The following MEP1A variants were observed in gnomAD, a reference collection of about 807,000 sequenced individuals.
MEP1A encodes meprin A subunit alpha, also known as N-benzoyl-L-tyrosyl-P-amino-benzoic acid hydrolase subunit alpha.
MEP1A carries 68 observed loss-of-function variants against 84.5 expected under a neutral mutation model. That is an observed-to-expected ratio of 0.80 (90% CI 0.66 to 0.98). The LOEUF is 0.98. Ranked by LOEUF, MEP1A falls within the 50% of genes least tolerant of loss-of-function variation. The probability of loss-of-function intolerance (pLI) is 0.00; values close to 1 mark genes in which losing one functional copy is unlikely to be tolerated. For missense variants in MEP1A, 887 were observed against 919.9 expected (o/e 0.96, Z 0.46); for synonymous variants, 337 against 336.8 (o/e 1.00, Z -0.01).
At chr6:46,830,390 G>A (rs1216883897) in intron 10 of MEP1A, among the ~76,000 whole-genome samples, 2 of 151,862 alleles carry the variant, frequency 1.3e-5, no homozygotes, top group African/African-American at 4.8e-5. Flanking sequence ...TAAGTCATTG[G>A]TATATGTTAA....
At chr6:46,841,765 T>C (rs1768334291), downstream of MEP1A, among the ~76,000 whole-genome samples, 1 of 152,226 alleles carries the variant, frequency 6.6e-6, no homozygotes, top group South Asian at 2.1e-4. Flanking sequence ...GTTCTTTCAG[T>C]AATATCTGGA....
chr6:46,804,801 T>C (rs112821932), intron 5 of MEP1A, among the ~76,000 whole-genome samples: 10 of 151,908 alleles, frequency 6.6e-5, no homozygotes, highest in African/African-American at 2.4e-4. Flanking sequence ...CTGTTATCCT[T>C]CCAGAGAGTT....
chr6:46,836,698 G>A (rs536827637), intron 13 of MEP1A, among the ~76,000 whole-genome samples: 118 of 151,818 alleles, frequency 7.8e-4, no homozygotes, highest in Non-Finnish European at 1.3e-3. Context: ...TAGCTTTTAT[G>A]TCTCCTGTCT....
intron 6 of MEP1A, 111 bp downstream of exon 6, chr6:46,809,648 C>A: frequency 1.6e-6 from 1 of 636,476 alleles, no homozygotes; most frequent in Non-Finnish European, 2.8e-6. Context: ...TTTGCGTCCT[C>A]ATAACTTAGC....
At chr6:46,835,968 A>T (rs1387646439) in intron 13 of MEP1A, among the ~76,000 whole-genome samples, 1 of 152,036 alleles carries the variant, frequency 6.6e-6, no homozygotes, top group Non-Finnish European at 1.5e-5. Flanking sequence ...TGTCATTTAC[A>T]CTGTACTATT....
chr6:46,813,935 G>GT (rs1398653764), intron 6 of MEP1A, among the ~76,000 whole-genome samples: 1 of 152,096 alleles, frequency 6.6e-6, no homozygotes, highest in East Asian at 1.9e-4. Context: ...AATCTGATAG[G>GT]TTTTCCTTTA....
intron 13 of MEP1A, among the ~76,000 whole-genome samples, chr6:46,837,010 CTG>C (rs1358152087): frequency 6.6e-6 from 1 of 152,176 alleles, no homozygotes; most frequent in Non-Finnish European, 1.5e-5. Flanking sequence ...ATTTCTCCCT[CTG>C]TAATTAATAC....
At position 46,829,390 on chromosome 6, in the gene MEP1A, G is replaced by A. The variant is rs779361727; in HGVS notation, c.963G>A (p.Ser321=). ...ACTTCATGCAGTTCAGCACCAGCTCGGGGTCCGCGGAAGAGGCAGCCCTAC... is the reference window on the plus strand; with the variant it reads ...ACTTCATGCAGTTCAGCACCAGCTCAGGGTCCGCGGAAGAGGCAGCCCTAC... The part of the protein sequence containing the change: ...AGYFMQFSTS[S]GSAEEAALLE... The change falls in exon 10 of 14, where the codon TCG becomes TCA. Residue 321 remains serine (S), a synonymous_variant. Transcript: ENST00000230588. The A allele has an allele frequency of 5.6e-6, 9 of 1,613,768 alleles. No individual in the cohort carries two copies. In the African/African-American group the frequency reaches 8.0e-5, roughly 14 times the overall value.
At chr6:46,844,736 CAACTGGTCAA>C (rs1325926721), downstream of MEP1A, among the ~76,000 whole-genome samples, 1 of 152,140 alleles carries the variant, frequency 6.6e-6, no homozygotes, top group Non-Finnish European at 1.5e-5. Flanking sequence ...CCCCAAACTC[CAACTGGTCAA>C]ATGGCTACTC....
intron 7 of MEP1A, among the ~76,000 whole-genome samples, chr6:46,822,720 T>C (rs1365924463): frequency 1.3e-5 from 2 of 152,010 alleles, no homozygotes; most frequent in Non-Finnish European, 2.9e-5. Context: ...ATTTTTGTAT[T>C]TTTTAGTAGA....
At chr6:46,844,720 T>C (rs545524988), downstream of MEP1A, among the ~76,000 whole-genome samples, 65 of 152,286 alleles carry the variant, frequency 4.3e-4, no homozygotes, top group Non-Finnish European at 8.7e-4. Flanking sequence ...TTCTCAGTAA[T>C]AGAATCCCCA....
rs1316643626 is a variant in MEP1A at position 46,839,085 on chromosome 6, C to A, written c.2190C>A (p.Ile730=). Residue 730 remains isoleucine (I), a synonymous_variant, in exon 14 of 14, where the codon ATC becomes ATA. Coordinates refer to ENST00000230588, the MANE Select transcript of MEP1A (RefSeq NM_005588.3). ...GMVIGGTAGV[I]FLTFSIIAIL... is the part of the protein sequence containing the mutation. ...TGATCGGAGGCACGGCTGGCGTGAT[C>A]TTCTTGACCTTCTCCATCATCGCCA... The A allele has an allele frequency of 6.2e-7, 1 of 1,613,178 alleles. No homozygotes were observed.
At chr6:46,822,567 A>G (rs776762583) in intron 7 of MEP1A, among the ~76,000 whole-genome samples, 5 of 152,206 alleles carry the variant, frequency 3.3e-5, no homozygotes, top group African/African-American at 4.8e-5. Flanking sequence ...GTTTTGAGAC[A>G]GAGCCTTGCT....
At chr6:46,842,443 C>T (rs1581694438), downstream of MEP1A, among the ~76,000 whole-genome samples, 1 of 152,116 alleles carries the variant, frequency 6.6e-6, no homozygotes, top group South Asian at 2.1e-4. Context: ...CTATAAACGG[C>T]TGCTCTGGGA....
rs1314040792 is a variant in MEP1A, at chr6:46,793,689, CAGA to C, written c.121_123del (p.Lys41del). ...AGTACATGATGCAGATTTTGGTGAACAGAAGGATATTTCAGAAATCAATTTAGG... is the reference window on the plus strand; with the variant it reads ...AGTACATGATGCAGATTTTGGTGAACAGGATATTTCAGAAATCAATTTAGG... On this transcript the variant is annotated inframe_deletion, in exon 3 of 14. Transcript: ENST00000230588. The C allele has an allele frequency of 1.9e-6, 3 of 1,609,728 alleles. No individual in the cohort carries two copies. Among genetic ancestry groups the C allele is most frequent in the South Asian group, 1.1e-5 (1 of 90,806 alleles).
At chr6:46,794,830 TAG>T (rs34157655) in intron 3 of MEP1A, among the ~76,000 whole-genome samples, 5,977 of 152,326 alleles carry the variant, frequency 0.039, 150 homozygotes, top group Non-Finnish European at 0.057. Flanking sequence ...GGATTAGAAT[TAG>T]AGTTTTTCTA....
chr6:46,819,881 C>T (rs540130376), intron 7 of MEP1A, among the ~76,000 whole-genome samples, 177 bp downstream of exon 7: 65 of 152,244 alleles, frequency 4.3e-4, no homozygotes, highest in African/African-American at 1.3e-3. Flanking sequence ...CGGAATTCAT[C>T]GCAGATAAGG....
chr6:46,834,100 C>T (rs1216737942), intron 11 of MEP1A, among the ~76,000 whole-genome samples: 1 of 151,912 alleles, frequency 6.6e-6, no homozygotes, highest in African/African-American at 2.4e-5. Context: ...TCTCAGACTC[C>T]CGAGTAGAGA....
In MEP1A at chr6:46,826,351, C is replaced by T. The variant is rs750315274; in HGVS notation, c.779-3C>T. 7 of 1,577,526 alleles carry T rather than the reference C, an allele frequency of 4.4e-6. No homozygotes were observed. Among genetic ancestry groups the T allele is most frequent in the East Asian group, 4.5e-5 (2 of 43,994 alleles). On this transcript the variant is annotated splice_polypyrimidine_tract_variant and splice_region_variant and intron_variant, in intron 8 of 13. Coordinates refer to ENST00000230588, the MANE Select transcript of MEP1A (RefSeq NM_005588.3). ...AACCAGATGATAAAAATATAATTTG[C>T]AGCCACAACTCACACTCTTTTGGAC...
Sources: gnomAD v4.1 joint callset for allele counts (sites outside exome capture counted in the v4.1 genomes callset) on GRCh38, gnomAD v4.1.1 for gene constraint, MANE v1.5 for transcripts, NCBI Gene and HGNC (gene_info 2026-07-23, HGNC 2026-07-21) for gene names.